The following SPTLC3 variants were observed in gnomAD, a reference collection of about 807,000 sequenced individuals.
The protein encoded by SPTLC3 is serine palmitoyltransferase 3.
SPTLC3 carries 36 observed loss-of-function variants against 59.3 expected under a neutral mutation model. The observed-to-expected ratio is 0.61, with a 90% CI of 0.47 to 0.80. The LOEUF (loss-of-function observed/expected upper bound fraction) is 0.80, where lower values mean the gene tolerates loss of function less well. Ranked by LOEUF, SPTLC3 falls within the 30% of genes least tolerant of loss-of-function variation. The pLI is 0.00. For missense variants in SPTLC3, 625 were observed against 685.1 expected (o/e 0.91, Z 0.98); for synonymous variants, 257 against 240.8 (o/e 1.07, Z -0.62).
intron 1 of SPTLC3, among the ~76,000 whole-genome samples, chr20:13,035,656 G>C (rs906596144): frequency 6.6e-6 from 1 of 152,146 alleles, no homozygotes; most frequent in Admixed American, 6.6e-5. Flanking sequence ...TTATCAGGAA[G>C]GTGCTGTGTG....
chr20:13,108,160 A>G (rs1180279866), intron 6 of SPTLC3, among the ~76,000 whole-genome samples: 1 of 152,194 alleles, frequency 6.6e-6, no homozygotes, highest in Non-Finnish European at 1.5e-5. Flanking sequence ...AGGTTCTGAT[A>G]TTGCACTATC....
chr20:13,085,296 T>C (rs1174947653), intron 4 of SPTLC3, among the ~76,000 whole-genome samples: 6 of 152,098 alleles, frequency 3.9e-5, no homozygotes, highest in African/African-American at 7.2e-5. Context: ...TCCATTAGAC[T>C]GGATGGAAGT....
chr20:13,089,362 A>G (rs918573917), intron 4 of SPTLC3, among the ~76,000 whole-genome samples: 3 of 152,222 alleles, frequency 2.0e-5, no homozygotes, highest in East Asian at 3.8e-4. Context: ...ATGAGGCAAG[A>G]CGCATGTGTA....
chr20:13,033,565 CT>C (rs1426548411), intron 1 of SPTLC3, among the ~76,000 whole-genome samples: 56 of 152,132 alleles, frequency 3.7e-4, no homozygotes, highest in Admixed American at 3.7e-3. Flanking sequence ...CCACATTTGT[CT>C]TCAAGGGATG....
chr20:13,072,594 C>A (rs989504434), intron 3 of SPTLC3, among the ~76,000 whole-genome samples, 184 bp downstream of exon 3: 1 of 152,124 alleles, frequency 6.6e-6, no homozygotes, highest in East Asian at 1.9e-4. Context: ...CAAGCAGCTG[C>A]CAGAGTGGCT....
intron 2 of SPTLC3, among the ~76,000 whole-genome samples, chr20:13,063,971 A>G (rs1186722501): frequency 6.6e-6 from 1 of 151,480 alleles, no homozygotes; most frequent in African/African-American, 2.4e-5. Context: ...TTTTAAAGAT[A>G]TTTCTAATAA....
At chr20:13,127,647 T>A (rs530879044) in intron 9 of SPTLC3, among the ~76,000 whole-genome samples, 9 of 152,218 alleles carry the variant, frequency 5.9e-5, no homozygotes, top group Non-Finnish European at 1.0e-4. Flanking sequence ...CTAGTTAAAG[T>A]AGTGTCTTCA....
At chr20:13,131,994 TC>T (rs2038130472) in intron 9 of SPTLC3, among the ~76,000 whole-genome samples, 1 of 151,850 alleles carries the variant, frequency 6.6e-6, no homozygotes, top group Admixed American at 6.6e-5. Context: ...AGAGAGCAGC[TC>T]CCACAGAAGG....
At chr20:13,083,398 C>T (rs911207626) in intron 4 of SPTLC3, among the ~76,000 whole-genome samples, 2 of 152,068 alleles carry the variant, frequency 1.3e-5, no homozygotes, top group African/African-American at 2.4e-5. Context: ...CACATAGGGG[C>T]CTATGTATTA....
chr20:13,141,236 T>C (rs2038375814), intron 9 of SPTLC3, among the ~76,000 whole-genome samples: 1 of 152,240 alleles, frequency 6.6e-6, no homozygotes, highest in Admixed American at 6.5e-5. Flanking sequence ...GTGCAAACTG[T>C]TGGGAGCTGC....
chr20:13,143,868 C>T (rs754830306), intron 9 of SPTLC3, among the ~76,000 whole-genome samples: 2 of 152,166 alleles, frequency 1.3e-5, no homozygotes, highest in East Asian at 1.9e-4. Context: ...GAACAGTTGT[C>T]GACACAGCTC....
chr20:13,081,646 T>C (rs976297582), intron 4 of SPTLC3, among the ~76,000 whole-genome samples: 3 of 152,200 alleles, frequency 2.0e-5, no homozygotes, highest in African/African-American at 7.2e-5. Context: ...TTAATTAACA[T>C]ATTTTTACGT....
At chr20:13,014,168 C>T (rs1322157244) in intron 1 of SPTLC3, among the ~76,000 whole-genome samples, 3 of 152,104 alleles carry the variant, frequency 2.0e-5, no homozygotes, top group South Asian at 4.2e-4. Context: ...AGATGCAAGG[C>T]GAGGAGAAAC....
chr20:13,094,255 T>C (rs1175919163), intron 6 of SPTLC3, among the ~76,000 whole-genome samples: 1 of 152,214 alleles, frequency 6.6e-6, no homozygotes, highest in Non-Finnish European at 1.5e-5. Flanking sequence ...TTCATCTTTC[T>C]TGCATTCATT....
At chr20:13,079,676 C>T (rs528119712) in intron 4 of SPTLC3, 1 of 438,096 alleles carries the variant, frequency 2.3e-6, no homozygotes, top group East Asian at 8.4e-5. Flanking sequence ...CGCAATGCTT[C>T]TTTTCTGGTT....
intron 9 of SPTLC3, among the ~76,000 whole-genome samples, chr20:13,147,010 C>A (rs2038528185): frequency 1.3e-5 from 2 of 152,184 alleles, no homozygotes. Context: ...CATTCTCATC[C>A]TTGCTTGGGG....
chr20:13,087,639 T>A (rs1989046162), intron 4 of SPTLC3, among the ~76,000 whole-genome samples: 1 of 152,196 alleles, frequency 6.6e-6, no homozygotes, highest in African/African-American at 2.4e-5. Context: ...GACACTGTGG[T>A]TGCCAAGACA....
intron 4 of SPTLC3, among the ~76,000 whole-genome samples, chr20:13,081,635 T>C (rs1215219842): frequency 6.6e-6 from 1 of 152,196 alleles, no homozygotes; most frequent in Non-Finnish European, 1.5e-5. Context: ...AAAAAGAAAT[T>C]TTAATTAACA....
intron 7 of SPTLC3, among the ~76,000 whole-genome samples, chr20:13,110,462 T>C (rs1156275772): frequency 6.6e-6 from 1 of 152,208 alleles, no homozygotes; most frequent in Non-Finnish European, 1.5e-5. Flanking sequence ...AGAAATATCC[T>C]CTCAAGGCAT....
Sources: allele counts gnomAD v4.1 joint callset (sites outside exome capture counted in the v4.1 genomes callset), GRCh38; gene constraint gnomAD v4.1.1; transcripts MANE v1.5; gene names NCBI Gene and HGNC (gene_info 2026-07-23, HGNC 2026-07-21).